MAGI2: variants seen among roughly 807,000 people sequenced by gnomAD.
MAGI2 encodes the protein membrane-associated guanylate kinase, WW and PDZ domain-containing protein 2.
MAGI2 carries 35 observed loss-of-function variants against 133.3 expected under a neutral mutation model. The ratio of observed to expected loss-of-function variants is 0.26; its 90% CI spans 0.20 to 0.35. The LOEUF (loss-of-function observed/expected upper bound fraction) is 0.35, where lower values mean the gene tolerates loss of function less well. Among genes scored for constraint, MAGI2 ranks in the 10% least tolerant of loss-of-function variants. The pLI is 1.00. For synonymous variants in MAGI2, 729 were observed against 710.6 expected (o/e 1.03, Z -0.41); for missense variants, 1,636 against 1,863.4 (o/e 0.88, Z 2.25).
At chr7:78,321,425 T>C (rs1787993290) in intron 9 of MAGI2, among the ~76,000 whole-genome samples, 1 of 152,058 alleles carries the variant, frequency 6.6e-6, no homozygotes, top group Admixed American at 6.6e-5. Flanking sequence ...AACAGAGATA[T>C]AGACCAGTGG....
intron 1 of MAGI2, among the ~76,000 whole-genome samples, chr7:79,008,180 GACAA>G (rs1807656113): frequency 6.6e-6 from 1 of 151,998 alleles, no homozygotes; most frequent in African/African-American, 2.4e-5. Flanking sequence ...ATTGAGCCAA[GACAA>G]ACAATTAAAG....
intron 1 of MAGI2, among the ~76,000 whole-genome samples, chr7:79,021,206 C>T (rs1450340215): frequency 6.6e-6 from 1 of 152,210 alleles, no homozygotes; most frequent in Non-Finnish European, 1.5e-5. Flanking sequence ...CATGAAGAAC[C>T]TCTGCTAGGG....
intron 19 of MAGI2, among the ~76,000 whole-genome samples, chr7:78,126,201 T>TGTGTGC (rs1404696672): frequency 6.6e-6 from 1 of 151,656 alleles, no homozygotes; most frequent in Non-Finnish European, 1.5e-5. Flanking sequence ...CAGGTGTGTG[T>TGTGTGC]GTGTGTGTGT....
intron 3 of MAGI2, among the ~76,000 whole-genome samples, chr7:78,597,294 A>G (rs1211396698): frequency 6.6e-6 from 1 of 151,910 alleles, no homozygotes; most frequent in Non-Finnish European, 1.5e-5. Context: ...ATTTAACATT[A>G]TAACGTATAC....
At chr7:78,452,061 A>C (rs1788780787) in intron 6 of MAGI2, among the ~76,000 whole-genome samples, 1 of 152,072 alleles carries the variant, frequency 6.6e-6, no homozygotes, top group Non-Finnish European at 1.5e-5. Flanking sequence ...AATGGTGTTG[A>C]CTATGATGTT....
chr7:78,496,756 G>A (rs1794121150), intron 5 of MAGI2, among the ~76,000 whole-genome samples: 1 of 152,124 alleles, frequency 6.6e-6, no homozygotes. Flanking sequence ...TGGTGATGAT[G>A]TGAAGTAGGC....
intron 21 of MAGI2, among the ~76,000 whole-genome samples, chr7:78,036,423 T>TA (rs1291345721): frequency 6.1e-5 from 9 of 148,212 alleles, no homozygotes; most frequent in Admixed American, 1.4e-4. Context: ...ATAATGATGG[T>TA]AAAAAAACCA....
chr7:78,633,658 A>C (rs1011877308), intron 2 of MAGI2, among the ~76,000 whole-genome samples: 1 of 146,890 alleles, frequency 6.8e-6, no homozygotes. Context: ...GTGAGCAGAG[A>C]TCGCGCCACT....
chr7:79,414,257 C>T (rs1006069102), intron 1 of MAGI2: 1 of 152,124 alleles, frequency 6.6e-6, no homozygotes, highest in Non-Finnish European at 1.5e-5. Flanking sequence ...GGATCATGTT[C>T]TTATGGCAGA....
intron 1 of MAGI2, among the ~76,000 whole-genome samples, chr7:79,130,501 T>G (rs117808151): frequency 0.02 from 3,044 of 152,266 alleles, 50 homozygotes; most frequent in Middle Eastern, 0.044. Context: ...ATGCCGCGGC[T>G]AAGAAGCACC....
chr7:78,432,488 G>T (rs543028969), intron 6 of MAGI2, among the ~76,000 whole-genome samples: 1 of 152,158 alleles, frequency 6.6e-6, no homozygotes, highest in Non-Finnish European at 1.5e-5. Flanking sequence ...AGCTACGTGT[G>T]ATTTTTTCAA....
intron 21 of MAGI2, among the ~76,000 whole-genome samples, chr7:78,037,359 G>A (rs1213896460): frequency 1.3e-5 from 2 of 152,154 alleles, no homozygotes; most frequent in Non-Finnish European, 2.9e-5. Context: ...TGTTGTGAAA[G>A]ACCCCTGCAT....
chr7:79,044,506 C>T (rs1811988502), intron 1 of MAGI2, among the ~76,000 whole-genome samples: 1 of 152,084 alleles, frequency 6.6e-6, no homozygotes, highest in African/African-American at 2.4e-5. Flanking sequence ...AAAGCATTTA[C>T]CTTGAGAACC....
intron 2 of MAGI2, among the ~76,000 whole-genome samples, chr7:78,724,424 G>A (rs1025902084): frequency 1.3e-5 from 2 of 152,188 alleles, no homozygotes; most frequent in Non-Finnish European, 2.9e-5. Context: ...AGTTGTAGAT[G>A]GCAGGAAAGC....
chr7:78,281,084 C>G (rs887476738), intron 9 of MAGI2, among the ~76,000 whole-genome samples: 1 of 151,986 alleles, frequency 6.6e-6, no homozygotes, highest in Non-Finnish European at 1.5e-5. Flanking sequence ...AATCTAAGCT[C>G]AACTCTTTAC....
chr7:79,179,034 C>T (rs1439681666), intron 1 of MAGI2, among the ~76,000 whole-genome samples: 2 of 151,854 alleles, frequency 1.3e-5, no homozygotes, highest in Non-Finnish European at 2.9e-5. Context: ...ATTTTTGTCA[C>T]TAGAGTTACC....
chr7:79,123,915 C>T (rs1373473166), intron 1 of MAGI2, among the ~76,000 whole-genome samples: 2 of 151,724 alleles, frequency 1.3e-5, no homozygotes, highest in Non-Finnish European at 2.9e-5. Context: ...GTTGTCCACT[C>T]ACAACTCACT....
chr7:79,440,183 T>G lies in MAGI2; in HGVS notation c.301+12837A>C, dbSNP rs186436870. Among the ~76,000 whole-genome samples, 780 of 152,150 alleles carry G rather than the reference T, an allele frequency of 5.1e-3. 4 individuals carry two copies. The highest frequency in any genetic ancestry group is 8.8e-3 in the Non-Finnish European group (595 of 67,980). ...AGCATTTCTTTGTTCTTTTTTTTTTTTCTTTACATGCTCTTATTGGAGAGT... is the reference window on the plus strand; with the variant it reads ...AGCATTTCTTTGTTCTTTTTTTTTTGTCTTTACATGCTCTTATTGGAGAGT... On this transcript the variant is annotated intron_variant, in intron 1 of 21. Transcript: ENST00000354212.
intron 2 of MAGI2, among the ~76,000 whole-genome samples, chr7:78,913,099 T>C (rs1798538895): frequency 6.6e-6 from 1 of 151,982 alleles, no homozygotes; most frequent in African/African-American, 2.4e-5. Flanking sequence ...CAAGATTACA[T>C]CATGTGAAAA....
Sources: allele counts gnomAD v4.1 joint callset (sites outside exome capture counted in the v4.1 genomes callset), GRCh38; gene constraint gnomAD v4.1.1; transcripts MANE v1.5; gene names NCBI Gene and HGNC (gene_info 2026-07-23, HGNC 2026-07-21).